MACROH2A1: variants seen among roughly 807,000 people sequenced by gnomAD.
MACROH2A1 encodes the protein macroH2A.1 histone.
Under a neutral mutation model 31.6 loss-of-function variants are expected in MACROH2A1, and 2 were observed. The observed-to-expected ratio is 0.06, with a 90% confidence interval of 0.03 to 0.20. The LOEUF (loss-of-function observed/expected upper bound fraction) is 0.20, where lower values mean the gene tolerates loss of function less well. MACROH2A1 is among the 10% of genes least tolerant of loss of function. The pLI, the probability that MACROH2A1 is intolerant of heterozygous loss-of-function variation, is 1.00. For synonymous variants in MACROH2A1, 169 were observed against 189.6 expected (o/e 0.89, Z 0.89); for missense variants, 230 against 474.0 (o/e 0.49, Z 4.78).
At chr5:135,349,571 G>A (rs1044717627) in intron 6 of MACROH2A1, among the ~76,000 whole-genome samples, 1 of 152,078 alleles carries the variant, frequency 6.6e-6, no homozygotes, top group Non-Finnish European at 1.5e-5. Flanking sequence ...GTCTTTGCTA[G>A]TGATGCCAAG....
chr5:135,391,210 T>C (rs956009467), intron 1 of MACROH2A1, among the ~76,000 whole-genome samples: 2 of 152,246 alleles, frequency 1.3e-5, no homozygotes, highest in South Asian at 2.1e-4. Flanking sequence ...TAGCAGTCTT[T>C]TGCTTTACTA....
intron 2 of MACROH2A1, among the ~76,000 whole-genome samples, chr5:135,372,667 C>T (rs1411837709): frequency 6.6e-6 from 1 of 152,232 alleles, no homozygotes; most frequent in Non-Finnish European, 1.5e-5. Context: ...AGAGCACATC[C>T]GTAATGCCAC....
rs369515052 is a variant in MACROH2A1, at chr5:135,341,407, TCTG to T, written c.953+1850_953+1852del. On this transcript the variant is annotated intron_variant, in intron 8 of 8. Coordinates refer to ENST00000511689, the MANE Select transcript of MACROH2A1 (RefSeq NM_138610.3). ...GAGGGGTTGCTGGGGAAATGCTCAT[TCTG>T]CTGTTTTGCCCTTGACTGGGAGAAG... Among the ~76,000 whole-genome samples, 747 of 152,282 alleles carry T rather than the reference TCTG, an allele frequency of 4.9e-3. 7 individuals carry two copies. The highest frequency in any genetic ancestry group is 0.017 in the African/African-American group (705 of 41,562).
chr5:135,351,983 G>A (rs188516279), intron 6 of MACROH2A1, among the ~76,000 whole-genome samples: 1 of 151,458 alleles, frequency 6.6e-6, no homozygotes, highest in Non-Finnish European at 1.5e-5. Context: ...GGACACTCTT[G>A]AGTCCAGTCC....
intron 4 of MACROH2A1, chr5:135,362,493 T>A (rs1244733776): frequency 6.6e-6 from 1 of 152,180 alleles, no homozygotes; most frequent in African/African-American, 2.4e-5. Flanking sequence ...TCCATTTCAA[T>A]TTTTTTTAGT....
At position 135,398,087 on chromosome 5, in the gene MACROH2A1, T is replaced by C. The variant is rs988197952; in HGVS notation, c.-34+975A>G. Among the ~76,000 whole-genome samples the C allele has an allele frequency of 6.6e-6, 1 of 152,222 alleles. No homozygotes were observed. The highest frequency in any genetic ancestry group is 1.5e-5 in the Non-Finnish European group (1 of 68,038). On this transcript the variant is annotated intron_variant, in intron 1 of 8. Coordinates refer to ENST00000511689, the MANE Select transcript of MACROH2A1 (RefSeq NM_138610.3). This position sits in a 1 kb window ranked among gnomAD's most constrained non-coding sequence, Gnocchi z 4.6. ...ATTCAAGGTTTGTCCCAGTTGTTTG[T>C]ACAGAAGTCTCTCACTTTGAAACTC...
At chr5:135,357,015 C>G (rs1413954591) in intron 5 of MACROH2A1, 1 of 152,184 alleles carries the variant, frequency 6.6e-6, no homozygotes, top group Non-Finnish European at 1.5e-5. Context: ...ATGGGAAGGG[C>G]AATGTCTTCC....
intron 6 of MACROH2A1, 103 bp downstream of exon 6, chr5:135,352,843 T>G (rs1242362089): frequency 5.5e-6 from 4 of 722,802 alleles, no homozygotes; most frequent in East Asian, 2.6e-5. Flanking sequence ...ATTTGGAAAT[T>G]TGGCTTGACC....
intron 6 of MACROH2A1, among the ~76,000 whole-genome samples, chr5:135,352,740 T>G (rs368996257): frequency 6.6e-6 from 1 of 152,064 alleles, no homozygotes; most frequent in South Asian, 2.1e-4. Context: ...GAGGAGAGAG[T>G]AGCCAATCAC....
At chr5:135,378,930 G>A (rs530438553) in intron 2 of MACROH2A1, among the ~76,000 whole-genome samples, 1 of 152,228 alleles carries the variant, frequency 6.6e-6, no homozygotes, top group African/African-American at 2.4e-5. Context: ...GGGAGTGAAA[G>A]GGCAAGAAAA....
At chr5:135,336,472 G>T (rs956131340) in intron 8 of MACROH2A1, among the ~76,000 whole-genome samples, 7 of 152,172 alleles carry the variant, frequency 4.6e-5, no homozygotes, top group African/African-American at 1.7e-4. Flanking sequence ...GGCAATTAGT[G>T]GGGGGCAACC....
intron 2 of MACROH2A1, among the ~76,000 whole-genome samples, chr5:135,386,918 A>G (rs2149948322): frequency 6.6e-6 from 1 of 152,368 alleles, no homozygotes; most frequent in Non-Finnish European, 1.5e-5. Context: ...GGCATTCGCG[A>G]GCCAGGGGCT....
rs972065867 is a variant in MACROH2A1, at chr5:135,338,522, C to T, written c.954-3381G>A. 3.9e-5 allele frequency among the ~76,000 whole-genome samples: 6 copies of T among 152,178 alleles called. No individual in the cohort carries two copies. In the South Asian group the frequency reaches 6.2e-4, roughly 16 times the overall value. On this transcript the variant is annotated intron_variant, in intron 8 of 8. Transcript: ENST00000511689. Reference sequence around the variant, plus strand: ...GCTGTGACTGGGTAACTGCTGTTGTCGTTGCAGTTACACGGTGCTAACAAT... The same window carrying T: ...GCTGTGACTGGGTAACTGCTGTTGTTGTTGCAGTTACACGGTGCTAACAAT...
intron 4 of MACROH2A1, among the ~76,000 whole-genome samples, chr5:135,366,738 C>A (rs1447765389): frequency 6.6e-6 from 1 of 152,144 alleles, no homozygotes; most frequent in Non-Finnish European, 1.5e-5. Flanking sequence ...ATTTTTTTTA[C>A]TGCATACTCT....
chr5:135,384,647 A>G (rs949689620), intron 2 of MACROH2A1, among the ~76,000 whole-genome samples: 18 of 152,310 alleles, frequency 1.2e-4, no homozygotes, highest in Admixed American at 6.5e-5. Context: ...AGAGACAGGA[A>G]AAAGAACAAG....
rs1768461208 is a variant in MACROH2A1, at chr5:135,398,956, C to G, written c.-34+106G>C. ...CCGAACCCGGCGGCCCGAGCCCGGC[C>G]CGCACCACACCGGTGCGCGCCAGGC... On this transcript the variant is annotated intron_variant, in intron 1 of 8. Transcript: ENST00000511689. This position sits in a 1 kb window ranked among gnomAD's most constrained non-coding sequence, Gnocchi z 4.6. 6.7e-6 allele frequency: 1 copy of G among 150,292 alleles called. No individual in the cohort carries two copies. The highest frequency in any genetic ancestry group is 2.1e-4 in the South Asian group (1 of 4,830). The allele number at this position is 150,292 out of a possible 1,614,324, so 9.3% of individuals were successfully genotyped here. A position where few individuals can be genotyped will look rare whatever the true frequency, so the allele number is the denominator to read the frequency against.
intron 1 of MACROH2A1, among the ~76,000 whole-genome samples, chr5:135,393,861 C>T (rs1767589071): frequency 6.6e-6 from 1 of 152,174 alleles, no homozygotes; most frequent in South Asian, 2.1e-4. Flanking sequence ...TAAACATTAA[C>T]TTTGTTTATA....
At chr5:135,384,796 C>T (rs933982320) in intron 2 of MACROH2A1, among the ~76,000 whole-genome samples, 2 of 152,238 alleles carry the variant, frequency 1.3e-5, no homozygotes. Context: ...CCTGATGAGA[C>T]AGTTACTGTG....
At chr5:135,364,100 T>G (rs183292221) in intron 4 of MACROH2A1, among the ~76,000 whole-genome samples, 310 of 152,292 alleles carry the variant, frequency 2.0e-3, no homozygotes, top group Admixed American at 4.3e-3. Flanking sequence ...GGGACATGGA[T>G]GAAACTGGAA....
Sources: gnomAD v4.1 joint callset for allele counts (sites outside exome capture counted in the v4.1 genomes callset) on GRCh38, gnomAD v4.1.1 for gene constraint, Gnocchi (gnomAD v3.1) non-coding constraint, MANE v1.5 for transcripts, NCBI Gene and HGNC (gene_info 2026-07-23, HGNC 2026-07-21) for gene names.